Variants in TECPR2 observed in about 807,000 individuals in gnomAD.
TECPR2 encodes the protein tectonin beta-propeller repeat-containing protein 2.
Under a neutral mutation model 138.1 loss-of-function variants are expected in TECPR2, and 65 were observed. The ratio of observed to expected loss-of-function variants is 0.47; its 90% confidence interval spans 0.39 to 0.58. The LOEUF (loss-of-function observed/expected upper bound fraction) is 0.58. Among genes scored for constraint, TECPR2 ranks in the 20% least tolerant of loss-of-function variants. TECPR2 has a pLI of 0.00. For missense variants in TECPR2, 1,553 were observed against 1,824.5 expected (o/e 0.85, Z 2.71); for synonymous variants, 746 against 749.8 (o/e 0.99, Z 0.08).
At chr14:102,414,463 A>G (rs959621940) in intron 4 of TECPR2, among the ~76,000 whole-genome samples, 173 bp from the exon 5 acceptor site, 6 of 152,252 alleles carry the variant, frequency 3.9e-5, no homozygotes, top group African/African-American at 1.4e-4. Context: ...CCATCCGTCA[A>G]ATAATCTCGC....
chr14:102,490,761 AGCCCCTGGCTTATT>A (rs1002508713), intron 17 of TECPR2, among the ~76,000 whole-genome samples: 17 of 152,208 alleles, frequency 1.1e-4, no homozygotes, highest in African/African-American at 4.1e-4. Flanking sequence ...CTGTACCACC[AGCCCCTGGCTTATT>A]GCACCAGCGT....
intron 17 of TECPR2, among the ~76,000 whole-genome samples, chr14:102,477,573 C>G (rs1890791368): frequency 7.3e-6 from 1 of 137,630 alleles, no homozygotes; most frequent in South Asian, 2.4e-4. Flanking sequence ...TTTTTTGAGA[C>G]AGAATCTTGC....
At chr14:102,449,483 G>A (rs1242056816) in intron 13 of TECPR2, 146 bp from the exon 14 acceptor site, 4 of 1,310,114 alleles carry the variant, frequency 3.1e-6, no homozygotes, top group Middle Eastern at 2.8e-4. Flanking sequence ...TTTCACAAGC[G>A]CACACGTGCA....
intron 17 of TECPR2, among the ~76,000 whole-genome samples, chr14:102,467,211 G>A (rs942840420): frequency 4.6e-5 from 7 of 152,044 alleles, no homozygotes; most frequent in Non-Finnish European, 1.0e-4. Flanking sequence ...GTCATGTGGC[G>A]ATTCTGTGTT....
intron 12 of TECPR2, among the ~76,000 whole-genome samples, chr14:102,445,575 T>C (rs1889952241): frequency 6.6e-6 from 1 of 152,122 alleles, no homozygotes; most frequent in African/African-American, 2.4e-5. Flanking sequence ...TTCCCAGCCA[T>C]TCTGGGTCAT....
chr14:102,401,324 A>C (rs1888470581), intron 2 of TECPR2, among the ~76,000 whole-genome samples: 1 of 151,692 alleles, frequency 6.6e-6, no homozygotes, highest in South Asian at 2.1e-4. Flanking sequence ...CTGTAATCCC[A>C]GCTACCCAGG....
intron 17 of TECPR2, among the ~76,000 whole-genome samples, chr14:102,478,035 C>CCACCGCA (rs1299882227): frequency 2.7e-5 from 4 of 150,412 alleles, no homozygotes; most frequent in African/African-American, 9.8e-5. Context: ...CAGGCGTGAG[C>CCACCGCA]CACCGCACCC....
intron 16 of TECPR2, among the ~76,000 whole-genome samples, chr14:102,458,178 C>T (rs1890320267): frequency 6.6e-6 from 1 of 152,066 alleles, no homozygotes; most frequent in Non-Finnish European, 1.5e-5. Flanking sequence ...CCTGCTGCTC[C>T]CAGTAAATTC....
rs778830948 is a variant in TECPR2, at chr14:102,498,249, G to A, written c.4228G>A (p.Val1410Ile). ...TGAGGACCTGGAGGACGAGTGGGAG[G>A]TCATCTGAAGGAGCCCTGGCCGAGT... ...HPEDLEDEWE[V>I]I The change falls in exon 20 of 20, where the codon GTC becomes ATC. Residue 1410 changes from valine (V) to isoleucine (I), a missense_variant. By Grantham distance (29) the Val-to-Ile change is conservative. Coordinates refer to ENST00000359520, the MANE Select transcript of TECPR2 (RefSeq NM_014844.5). 2.5e-6 allele frequency: 4 copies of A among 1,601,346 alleles called. No individual in the cohort carries two copies. Among genetic ancestry groups the A allele is most frequent in the Non-Finnish European group, 3.4e-6 (4 of 1,179,696 alleles).
At chr14:102,373,685 A>T (rs549691912) in intron 1 of TECPR2, among the ~76,000 whole-genome samples, 30 of 152,290 alleles carry the variant, frequency 2.0e-4, no homozygotes, top group Non-Finnish European at 4.0e-4. Flanking sequence ...AGTATCACAG[A>T]GGAATGCAAT....
intron 2 of TECPR2, among the ~76,000 whole-genome samples, chr14:102,387,341 A>G (rs1888034392): frequency 6.6e-6 from 1 of 152,198 alleles, no homozygotes; most frequent in Non-Finnish European, 1.5e-5. Flanking sequence ...AAATGTTGCA[A>G]GGAGCTAATA....
rs1209033802 is a variant in TECPR2, at chr14:102,415,051, A to T, written c.638+258A>T. On this transcript the variant is annotated intron_variant, in intron 5 of 19. Transcript: ENST00000359520. This position sits in a 1 kb window ranked among gnomAD's most constrained non-coding sequence, Gnocchi z 4.3. ...GCCACTCTGCCTCTCAGGGTGCCAC[A>T]GTCAGCGCAGAGAAGCCTCAGGGGT... Among the ~76,000 whole-genome samples, 1 of 152,206 alleles carries T rather than the reference A, an allele frequency of 6.6e-6. No individual in the cohort carries two copies. The highest frequency in any genetic ancestry group is 1.9e-4 in the East Asian group (1 of 5,186).
In TECPR2 at chr14:102,376,751, CAG is replaced by C. The variant is rs1259941860; in HGVS notation, c.35_36del (p.Glu12ValfsTer61). 1.9e-6 allele frequency: 3 copies of C among 1,614,090 alleles called. No homozygotes were observed. Among genetic ancestry groups the C allele is most frequent in the Non-Finnish European group, 2.5e-6 (3 of 1,180,044 alleles). MASISEPVTF[R>X]EFCPLYYLLN... Reference sequence around the variant, plus strand: ...CATCGATATCAGAGCCTGTTACATTCAGAGAGTTCTGCCCGTTGTACTATCTC... The same window carrying C: ...CATCGATATCAGAGCCTGTTACATTCAGAGTTCTGCCCGTTGTACTATCTC... On this transcript the variant is annotated frameshift_variant, in exon 2 of 20. Coordinates refer to ENST00000359520, the MANE Select transcript of TECPR2 (RefSeq NM_014844.5). LOFTEE classifies it high-confidence loss of function.
chr14:102,379,193 C>G (rs1351883054), intron 2 of TECPR2, among the ~76,000 whole-genome samples: 1 of 152,084 alleles, frequency 6.6e-6, no homozygotes, highest in Non-Finnish European at 1.5e-5. Context: ...CTAAAGATCA[C>G]AATCTTAAAA....
At chr14:102,405,770 C>T (rs994553673) in intron 2 of TECPR2, among the ~76,000 whole-genome samples, 1 of 152,160 alleles carries the variant, frequency 6.6e-6, no homozygotes, top group African/African-American at 2.4e-5. Flanking sequence ...AATGGGGAAG[C>T]AATCCATGTG....
At chr14:102,428,223 T>TG (rs1555450902) in intron 6 of TECPR2, 27 bp from the exon 7 acceptor site, 1 of 214,744 alleles carries the variant, frequency 4.7e-6, no homozygotes, top group South Asian at 6.2e-5. Context: ...GTGTTTTTTG[T>TG]TTTTTTTTTT....
chr14:102,428,244 TGACA>T lies in TECPR2; in HGVS notation c.952-4_952-1del. 7.4e-7 allele frequency: 1 copy of T among 1,350,742 alleles called. No homozygotes were observed. 83.7% of individuals were successfully genotyped at this position (1,350,742 alleles called of 1,614,324 possible). On this transcript the variant is annotated splice_acceptor_variant and splice_polypyrimidine_tract_variant and intron_variant, in intron 6 of 19. Coordinates refer to ENST00000359520, the MANE Select transcript of TECPR2 (RefSeq NM_014844.5). LOFTEE classifies it high-confidence loss of function. The stretch of plus-strand genomic sequence containing the variant: ...TTTGTTTTTTTTTTTTTTTTTTTTT[TGACA>T]GGCCACAGTTGCTGGTTTGGAAGGA...
intron 17 of TECPR2, among the ~76,000 whole-genome samples, chr14:102,481,780 C>T (rs1157323922): frequency 6.6e-6 from 1 of 152,128 alleles, no homozygotes; most frequent in Admixed American, 6.5e-5. Context: ...GTGTTTGGTC[C>T]CCTGACTTCA....
intron 10 of TECPR2, 21 bp downstream of exon 10, chr14:102,438,226 C>T (rs780151911): frequency 1.2e-6 from 1 of 866,028 alleles, no homozygotes; most frequent in South Asian, 2.1e-5. Flanking sequence ...CCGCTCCCTG[C>T]TCCCGCTCCC....
Sources: allele counts gnomAD v4.1 joint callset (sites outside exome capture counted in the v4.1 genomes callset), GRCh38; gene constraint gnomAD v4.1.1; non-coding constraint Gnocchi (gnomAD v3.1); transcripts MANE v1.5; gene names NCBI Gene and HGNC (gene_info 2026-07-23, HGNC 2026-07-21).